The following GAB2 variants were observed in gnomAD, a reference collection of about 807,000 sequenced individuals.
GAB2 encodes the protein GRB2 associated binding protein 2.
A neutral mutation model predicts 65.5 loss-of-function variants in GAB2; 26 were observed. The ratio of observed to expected loss-of-function variants is 0.40; its 90% CI spans 0.29 to 0.55. The LOEUF is 0.55. Ranked by LOEUF, GAB2 falls within the 20% of genes least tolerant of loss-of-function variation. The probability of loss-of-function intolerance (pLI) is 0.53; values close to 1 mark genes in which losing one functional copy is unlikely to be tolerated. For missense variants in GAB2, 884 were observed against 875.8 expected, an observed-to-expected ratio of 1.01 and a Z score of -0.12; for synonymous variants, 321 against 329.6, an observed-to-expected ratio of 0.97 and a Z score of 0.28.
chr11:78,392,590 A>C (rs1856848058), intron 1 of GAB2, among the ~76,000 whole-genome samples: 1 of 152,156 alleles, frequency 6.6e-6, no homozygotes, highest in Non-Finnish European at 1.5e-5. Context: ...GAGTCTGAGG[A>C]GGCAGGGGAG....
rs147317677 is a variant in GAB2, at chr11:78,300,386, C to A, written c.76-19485G>T. ...AAATAAGGTTGTTTCCAGCTTGGAG[C>A]CATTATGAACAAAATAGCTATGAAC... On this transcript the variant is annotated intron_variant, in intron 1 of 9. Transcript: ENST00000361507. Among the ~76,000 whole-genome samples the A allele has an allele frequency of 4.2e-3, 641 of 151,682 alleles. 3 individuals are homozygous for A. Among genetic ancestry groups the A allele is most frequent in the African/African-American group, 0.015 (608 of 41,080 alleles).
intron 1 of GAB2, among the ~76,000 whole-genome samples, chr11:78,415,128 T>C (rs958444705): frequency 6.6e-6 from 1 of 152,230 alleles, no homozygotes; most frequent in Admixed American, 6.5e-5. Flanking sequence ...CGCCTCAGCC[T>C]CCCAAAGTGC....
intron 1 of GAB2, among the ~76,000 whole-genome samples, chr11:78,408,825 G>T (rs142538252): frequency 6.6e-6 from 1 of 152,294 alleles, no homozygotes; most frequent in East Asian, 1.9e-4. Flanking sequence ...CTCCAGCCAT[G>T]TAAGATGTGC....
chr11:78,400,891 G>T (rs1427649795), intron 1 of GAB2, among the ~76,000 whole-genome samples: 2 of 108,316 alleles, frequency 1.8e-5, no homozygotes, highest in Non-Finnish European at 3.5e-5. Context: ...GTGACAGAGT[G>T]AGACTGTCTC....
At chr11:78,292,364 AGAT>A (rs1866706211) in intron 1 of GAB2, among the ~76,000 whole-genome samples, 1 of 152,226 alleles carries the variant, frequency 6.6e-6, no homozygotes. Context: ...GTATCAGAAA[AGAT>A]GATTTGAGAC....
intron 1 of GAB2, among the ~76,000 whole-genome samples, chr11:78,352,040 C>T (rs571613258): frequency 4.6e-5 from 7 of 152,142 alleles, no homozygotes; most frequent in South Asian, 2.1e-4. Context: ...GGTGAAACCC[C>T]GCCTCTACTA....
At chr11:78,408,741 A>G (rs1355043529) in intron 1 of GAB2, among the ~76,000 whole-genome samples, 1 of 152,138 alleles carries the variant, frequency 6.6e-6, no homozygotes, top group Non-Finnish European at 1.5e-5. Context: ...TGTTCTCATG[A>G]TAGTGAGTGA....
chr11:78,302,522 A>ATGC (rs1419239475), intron 1 of GAB2, among the ~76,000 whole-genome samples: 1 of 152,096 alleles, frequency 6.6e-6, no homozygotes, highest in African/African-American at 2.4e-5. Flanking sequence ...TAAAAAAAAA[A>ATGC]CAAAACAGAT....
chr11:78,363,467 C>G (rs1856459665), intron 1 of GAB2, among the ~76,000 whole-genome samples: 1 of 152,186 alleles, frequency 6.6e-6, no homozygotes, highest in African/African-American at 2.4e-5. Flanking sequence ...TCTCCAACAT[C>G]TATGAAGCAC....
intron 2 of GAB2, among the ~76,000 whole-genome samples, chr11:78,268,036 C>T (rs1053067870): frequency 1.3e-5 from 2 of 152,014 alleles, no homozygotes; most frequent in Non-Finnish European, 2.9e-5. Context: ...TGCTGCGGAC[C>T]AGTATCCTCA....
rs1286320190 is a variant in GAB2, at chr11:78,215,996, A to G, written c.*3276T>C. ...AATGGGGCATACTTTGTTAACTTCT[A>G]CATTGGAAACCACTAAAGTCAAGCT... On this transcript the variant is annotated 3_prime_UTR_variant, in exon 10 of 10. Transcript: ENST00000361507. 6.6e-6 allele frequency: 1 copy of G among 152,628 alleles called. No homozygotes were observed. The allele number at this position is 152,628 out of a possible 1,614,324, so 9.5% of individuals were successfully genotyped here.
At chr11:78,230,069 T>C (rs917421944) in intron 3 of GAB2, among the ~76,000 whole-genome samples, 1 of 152,242 alleles carries the variant, frequency 6.6e-6, no homozygotes, top group African/African-American at 2.4e-5. Flanking sequence ...AGAAACTGTG[T>C]CTTACTCATT....
intron 1 of GAB2, among the ~76,000 whole-genome samples, chr11:78,284,762 G>C (rs892189769): frequency 1.3e-5 from 2 of 151,344 alleles, no homozygotes; most frequent in African/African-American, 4.9e-5. Flanking sequence ...CAATTTTTAT[G>C]ACTTTTCCGC....
At chr11:78,246,201 G>A (rs1865292886) in intron 3 of GAB2, among the ~76,000 whole-genome samples, 1 of 151,730 alleles carries the variant, frequency 6.6e-6, no homozygotes. Context: ...CAAAGTGCTG[G>A]GATTACAGGT....
At chr11:78,345,786 A>G (rs1249225937) in intron 1 of GAB2, among the ~76,000 whole-genome samples, 1 of 152,200 alleles carries the variant, frequency 6.6e-6, no homozygotes, top group Admixed American at 6.5e-5. Context: ...GAACAGAGGA[A>G]AATGATGCCA....
At chr11:78,232,557 A>T (rs1864875015) in intron 3 of GAB2, among the ~76,000 whole-genome samples, 1 of 152,230 alleles carries the variant, frequency 6.6e-6, no homozygotes, top group Admixed American at 6.5e-5. Flanking sequence ...ATAGTTACTT[A>T]TTTTAGCTCA....
chr11:78,243,567 G>A (rs1184130022), intron 3 of GAB2, among the ~76,000 whole-genome samples: 1 of 151,680 alleles, frequency 6.6e-6, no homozygotes, highest in African/African-American at 2.4e-5. Context: ...TGGACCAGGT[G>A]CAGTGGCTCA....
At chr11:78,341,523 A>G (rs760721440) in intron 1 of GAB2, among the ~76,000 whole-genome samples, 8 of 152,226 alleles carry the variant, frequency 5.3e-5, no homozygotes, top group Non-Finnish European at 1.2e-4. Context: ...TGAGATGATG[A>G]AAGAAGCAAC....
rs1399353578 is a variant in GAB2, at chr11:78,346,680, T to C, written c.76-65779A>G. On this transcript the variant is annotated intron_variant, in intron 1 of 9. Transcript: ENST00000361507. The stretch of plus-strand genomic sequence containing the variant: ...GTTCTGTTTACATCCCCTCCATATA[T>C]ATATATATATATATATATATATATA... Among the ~76,000 whole-genome samples, 54 of 13,918 alleles carry C rather than the reference T, an allele frequency of 3.9e-3. 1 individual carries two copies. The highest frequency in any genetic ancestry group is 8.3e-3 in the African/African-American group (52 of 6,252). 9.1% of individuals were successfully genotyped at this position (13,918 alleles called of 152,430 possible).
Sources: gnomAD v4.1 joint callset for allele counts (sites outside exome capture counted in the v4.1 genomes callset) on GRCh38, gnomAD v4.1.1 for gene constraint, MANE v1.5 for transcripts, NCBI Gene and HGNC (gene_info 2026-07-23, HGNC 2026-07-21) for gene names.